PRELID2: variants seen among roughly 807,000 people sequenced by gnomAD.
The protein encoded by PRELID2 is PRELI domain-containing protein 2.
Under a neutral mutation model 28.4 loss-of-function variants are expected in PRELID2, and 25 were observed. The ratio of observed to expected loss-of-function variants is 0.88; its 90% CI spans 0.64 to 1.23. The LOEUF is 1.23. Among genes scored for constraint, PRELID2 ranks in the 50% most tolerant of loss-of-function variants. The probability of loss-of-function intolerance (pLI) is 0.00; values close to 1 mark genes in which losing one functional copy is unlikely to be tolerated. For synonymous variants in PRELID2, 76 were observed against 71.6 expected, an observed-to-expected ratio of 1.06 and a Z score of -0.31; for missense variants, 201 against 214.4, an observed-to-expected ratio of 0.94 and a Z score of 0.39.
Position 145,697,778 on chromosome 5 carries a change from A to C in PRELID2, n.70+67153T>G, listed in dbSNP as rs114326220. Among the ~76,000 whole-genome samples, 907 of 152,290 alleles carry C rather than the reference A, an allele frequency of 6.0e-3. 13 individuals are homozygous for C. The highest frequency in any genetic ancestry group is 0.02 in the African/African-American group (841 of 41,562). On this transcript the variant is annotated intron_variant and non_coding_transcript_variant, in intron 1 of 2. Coordinates refer to the PRELID2 transcript ENST00000510259. ...GGTTGTGTCTCCTTACACAGTTTAA[A>C]TCTATGGTCAGTTGGGAAATGGAGA...
Position 145,817,206 on chromosome 5 carries a change from A to ATATATATATAT in PRELID2, c.368+687_368+688insATATATATATA, listed in dbSNP as rs1423577359. ...ACTGCATTTCAAAAAAAAATAAATA[A>ATATATATATAT]ATAAATAAAAAAAAATATATATATA... is the stretch of plus-strand genomic sequence containing the variant. On this transcript the variant is annotated intron_variant, in intron 4 of 6. Transcript: ENST00000683046. 4.0e-3 allele frequency among the ~76,000 whole-genome samples: 247 copies of ATATATATATAT among 62,510 alleles called. 5 individuals are homozygous for ATATATATATAT. The highest frequency in any genetic ancestry group is 0.015 in the Middle Eastern group (1 of 66). The allele number at this position is 62,510 out of a possible 152,430, so 41.0% of individuals were successfully genotyped here.
the PRELID2 span, among the ~76,000 whole-genome samples, chr5:145,348,689 C>T: frequency 6.6e-6 from 1 of 151,024 alleles, no homozygotes; most frequent in African/African-American, 2.4e-5. Flanking sequence ...TCTTTGCATC[C>T]TTTCCAACAA....
chr5:145,824,284 CT>C (rs1206410258), intron 1 of PRELID2, among the ~76,000 whole-genome samples: 1 of 152,068 alleles, frequency 6.6e-6, no homozygotes, highest in Non-Finnish European at 1.5e-5. Context: ...TCACAAAGTG[CT>C]GAGCAGAAGG....
intron 1 of PRELID2, among the ~76,000 whole-genome samples, chr5:145,708,486 T>C (rs1213041820): frequency 2.1e-5 from 3 of 143,332 alleles, no homozygotes; most frequent in African/African-American, 8.5e-5. Flanking sequence ...TGTCATCCAA[T>C]TGTATTGTTT....
intron 1 of PRELID2, among the ~76,000 whole-genome samples, chr5:145,725,020 G>C (rs1756105783): frequency 6.6e-6 from 1 of 151,834 alleles, no homozygotes; most frequent in Non-Finnish European, 1.5e-5. Context: ...TGGGATTAGA[G>C]GTATGAACCA....
intron 1 of PRELID2, among the ~76,000 whole-genome samples, chr5:145,604,882 C>CATATATATATAT (rs35401852): frequency 4.6e-4 from 53 of 116,130 alleles, no homozygotes; most frequent in East Asian, 1.7e-3. Context: ...GCTTGTTGGC[C>CATATATATATAT]ATATATATAT....
intron 1 of PRELID2, among the ~76,000 whole-genome samples, chr5:145,619,852 AT>A (rs534344062): frequency 4.8e-4 from 73 of 152,364 alleles, no homozygotes; most frequent in Admixed American, 1.5e-3. Flanking sequence ...AATCAAGACA[AT>A]CAGTAAATAT....
chr5:145,708,185 C>T (rs1320869738), intron 1 of PRELID2, among the ~76,000 whole-genome samples: 1 of 151,984 alleles, frequency 6.6e-6, no homozygotes, highest in African/African-American at 2.4e-5. Context: ...ACTGGAACAT[C>T]CCTGTTTTAT....
the PRELID2 span, among the ~76,000 whole-genome samples, chr5:145,264,993 A>C: frequency 6.1e-5 from 9 of 148,108 alleles, no homozygotes; most frequent in Non-Finnish European, 1.2e-4. Context: ...AAAAAAAAAA[A>C]AGGTAAAGAG....
chr5:145,582,442 G>A (rs746741535), intron 1 of PRELID2, among the ~76,000 whole-genome samples: 2 of 151,842 alleles, frequency 1.3e-5, no homozygotes, highest in African/African-American at 2.4e-5. Context: ...GAACAGCAAG[G>A]GGGAAGTCGG....
the PRELID2 span, among the ~76,000 whole-genome samples, chr5:145,250,044 CT>C: frequency 6.6e-6 from 1 of 151,668 alleles, no homozygotes; most frequent in East Asian, 1.9e-4. Context: ...CCTAAATTTT[CT>C]TTTCTTTATA....
intron 4 of PRELID2, among the ~76,000 whole-genome samples, chr5:145,808,895 A>G (rs1753733261): frequency 1.9e-5 from 2 of 103,190 alleles, no homozygotes; most frequent in Non-Finnish European, 5.7e-5. Flanking sequence ...AAAAAAAGGA[A>G]AAGAAAAAAA....
chr5:145,430,494 A>T, the PRELID2 span, among the ~76,000 whole-genome samples: 1 of 152,016 alleles, frequency 6.6e-6, no homozygotes, highest in Non-Finnish European at 1.5e-5. Flanking sequence ...ATCATGAAGA[A>T]CTCAAACCTG....
intron 1 of PRELID2, among the ~76,000 whole-genome samples, chr5:145,527,632 C>G (rs948417005): frequency 2.6e-5 from 4 of 152,096 alleles, no homozygotes; most frequent in African/African-American, 7.2e-5. Flanking sequence ...GTGCTTTGCC[C>G]TCAAGGGTAA....
intron 4 of PRELID2, among the ~76,000 whole-genome samples, chr5:145,816,422 G>A (rs1754313257): frequency 1.3e-5 from 2 of 151,962 alleles, no homozygotes; most frequent in African/African-American, 2.4e-5. Context: ...AAACACAAAA[G>A]TTTCTAATTG....
chr5:145,621,565 C>T (rs1753774377), intron 1 of PRELID2, among the ~76,000 whole-genome samples: 1 of 151,980 alleles, frequency 6.6e-6, no homozygotes, highest in South Asian at 2.1e-4. Context: ...TATTATTCTA[C>T]AATAAAAAGG....
chr5:145,372,242 T>C, the PRELID2 span, among the ~76,000 whole-genome samples: 1 of 152,142 alleles, frequency 6.6e-6, no homozygotes, highest in South Asian at 2.1e-4. Flanking sequence ...AATGTCCATG[T>C]AATTGATTTG....
the PRELID2 span, among the ~76,000 whole-genome samples, chr5:145,373,322 A>C: frequency 9.7e-4 from 101 of 103,898 alleles, 7 homozygotes; most frequent in African/African-American, 3.5e-3. Flanking sequence ...ATTACAACAT[A>C]TATAATATAC....
At chr5:145,354,305 G>C in the PRELID2 span, among the ~76,000 whole-genome samples, 6 of 152,072 alleles carry the variant, frequency 3.9e-5, no homozygotes, top group East Asian at 1.2e-3. Flanking sequence ...ACCATATTTT[G>C]TAAAATTTGG....
Sources: allele counts gnomAD v4.1 joint callset (sites outside exome capture counted in the v4.1 genomes callset), GRCh38; gene constraint gnomAD v4.1.1; transcripts MANE v1.5; gene names NCBI Gene and HGNC (gene_info 2026-07-23, HGNC 2026-07-21).